SMYD3: variants seen among roughly 807,000 people sequenced by gnomAD.
SMYD3 encodes SET and MYND domain containing 3.
SMYD3 carries 36 observed loss-of-function variants against 57.7 expected under a neutral mutation model. The ratio of observed to expected loss-of-function variants is 0.62; its 90% confidence interval spans 0.48 to 0.82. SMYD3 has a LOEUF of 0.82. SMYD3 is among the 40% of genes least tolerant of loss of function. The probability of loss-of-function intolerance (pLI) is 0.00; values close to 1 mark genes in which losing one functional copy is unlikely to be tolerated. For synonymous variants in SMYD3, 211 were observed against 195.0 expected (o/e 1.08, Z -0.68); for missense variants, 515 against 538.8 (o/e 0.96, Z 0.44).
chr1:246,470,400 G>A (rs540048986), intron 1 of SMYD3, among the ~76,000 whole-genome samples: 1 of 151,798 alleles, frequency 6.6e-6, no homozygotes, highest in Admixed American at 6.6e-5. Context: ...GGAGGCCGAG[G>A]CAGGAGAATC....
intron 8 of SMYD3, among the ~76,000 whole-genome samples, chr1:245,912,272 C>T (rs553685043): frequency 6.6e-6 from 1 of 151,686 alleles, no homozygotes; most frequent in Non-Finnish European, 1.5e-5. Context: ...ACCCACCCCC[C>T]AAAAAAAGAC....
At chr1:246,497,096 A>C (rs1229281113) in intron 1 of SMYD3, among the ~76,000 whole-genome samples, 1 of 152,164 alleles carries the variant, frequency 6.6e-6, no homozygotes, top group Non-Finnish European at 1.5e-5. Context: ...TATGTCAAAA[A>C]CTAGGGGAAA....
chr1:245,945,032 A>G (rs1231315057), intron 5 of SMYD3, among the ~76,000 whole-genome samples: 1 of 152,068 alleles, frequency 6.6e-6, no homozygotes, highest in African/African-American at 2.4e-5. Flanking sequence ...ACTATAAAAA[A>G]CTCCAGAAAA....
At chr1:246,436,557 T>C (rs990537369) in intron 1 of SMYD3, among the ~76,000 whole-genome samples, 2 of 152,214 alleles carry the variant, frequency 1.3e-5, no homozygotes, top group Non-Finnish European at 2.9e-5. Flanking sequence ...TCTCCTCCGA[T>C]CTGTCATAAT....
At chr1:246,380,970 G>A (rs527882901) in intron 1 of SMYD3, among the ~76,000 whole-genome samples, 65 of 152,306 alleles carry the variant, frequency 4.3e-4, no homozygotes, top group African/African-American at 1.2e-3. Flanking sequence ...AATTCGCTAA[G>A]AATGATGTTG....
At chr1:245,792,749 G>A (rs1407256535) in intron 10 of SMYD3, among the ~76,000 whole-genome samples, 1 of 152,086 alleles carries the variant, frequency 6.6e-6, no homozygotes, top group East Asian at 1.9e-4. Flanking sequence ...TCACAGTTAA[G>A]GGTGCAGACA....
intron 8 of SMYD3, among the ~76,000 whole-genome samples, chr1:245,887,622 C>G (rs1160249637): frequency 6.6e-6 from 1 of 152,160 alleles, no homozygotes; most frequent in Non-Finnish European, 1.5e-5. Context: ...CATCTCAGGT[C>G]AATGTCTCCT....
At chr1:245,932,492 A>G (rs1435275387) in intron 5 of SMYD3, among the ~76,000 whole-genome samples, 2 of 152,200 alleles carry the variant, frequency 1.3e-5, no homozygotes, top group Non-Finnish European at 2.9e-5. Flanking sequence ...GAGGGCAGAC[A>G]CAGTGTTTCA....
intron 5 of SMYD3, among the ~76,000 whole-genome samples, chr1:246,011,016 G>A (rs558352666): frequency 3.3e-5 from 5 of 152,252 alleles, no homozygotes; most frequent in South Asian, 2.1e-4. Context: ...CCCCATATGC[G>A]GCCCAGGAAG....
At chr1:246,328,675 T>A (rs897510640) in intron 4 of SMYD3, among the ~76,000 whole-genome samples, 2 of 151,574 alleles carry the variant, frequency 1.3e-5, no homozygotes, top group African/African-American at 4.8e-5. Context: ...TATGTTTTTT[T>A]ATTTTATTTA....
At chr1:245,788,449 C>T (rs895688527) in intron 10 of SMYD3, among the ~76,000 whole-genome samples, 2 of 152,196 alleles carry the variant, frequency 1.3e-5, no homozygotes, top group African/African-American at 4.8e-5. Context: ...CTGGCTCATG[C>T]CTACTAGGTT....
chr1:246,283,753 C>T lies in SMYD3; in HGVS notation c.531+43448G>A, dbSNP rs139733264. On this transcript the variant is annotated intron_variant, in intron 5 of 11. Transcript: ENST00000490107. ...CAGAACTTATAGCACTCACAGAAAT[C>T]GACCAGGATCTGCTTGCAGTATCTT... 6.1e-3 allele frequency among the ~76,000 whole-genome samples: 928 copies of T among 152,298 alleles called. 11 individuals are homozygous for T. The highest frequency in any genetic ancestry group is 0.021 in the African/African-American group (883 of 41,568).
At chr1:246,081,917 A>AT (rs2060643460) in intron 5 of SMYD3, among the ~76,000 whole-genome samples, 1 of 152,228 alleles carries the variant, frequency 6.6e-6, no homozygotes, top group Admixed American at 6.5e-5. Flanking sequence ...AAATAGAAGT[A>AT]TTTATTTCTT....
intron 5 of SMYD3, among the ~76,000 whole-genome samples, chr1:245,994,326 G>C (rs28556941): frequency 0.5 from 76,589 of 152,046 alleles, 23,188 homozygotes; most frequent in Middle Eastern, 0.69. Flanking sequence ...TGTGTTTTGA[G>C]AGTCAGAGAT....
chr1:245,892,949 C>G (rs539906646), intron 8 of SMYD3, among the ~76,000 whole-genome samples: 1 of 152,088 alleles, frequency 6.6e-6, no homozygotes, highest in East Asian at 1.9e-4. Flanking sequence ...CAGCTGCAAA[C>G]TGAGGAAAAA....
At chr1:246,461,808 C>T (rs1288338570) in intron 1 of SMYD3, among the ~76,000 whole-genome samples, 1 of 151,570 alleles carries the variant, frequency 6.6e-6, no homozygotes, top group Non-Finnish European at 1.5e-5. Context: ...AGGAAAAGTA[C>T]CACTATTAGC....
intron 5 of SMYD3, among the ~76,000 whole-genome samples, chr1:245,999,299 A>G (rs1226756173): frequency 6.6e-6 from 1 of 152,218 alleles, no homozygotes; most frequent in Non-Finnish European, 1.5e-5. Context: ...AACATTAGCA[A>G]TGCTGCCATA....
At chr1:246,194,485 T>C (rs776878591) in intron 5 of SMYD3, among the ~76,000 whole-genome samples, 10 of 152,100 alleles carry the variant, frequency 6.6e-5, no homozygotes, top group Non-Finnish European at 1.3e-4. Context: ...GCCAGGCTGG[T>C]CTCGAACTCC....
chr1:245,950,545 C>A (rs898384246), intron 5 of SMYD3, among the ~76,000 whole-genome samples: 1 of 152,224 alleles, frequency 6.6e-6, no homozygotes, highest in African/African-American at 2.4e-5. Context: ...CTCGCTCTGG[C>A]CTTCTTGACT....
Sources: allele counts gnomAD v4.1 joint callset (sites outside exome capture counted in the v4.1 genomes callset), GRCh38; gene constraint gnomAD v4.1.1; transcripts MANE v1.5; gene names NCBI Gene and HGNC (gene_info 2026-07-23, HGNC 2026-07-21).